COL26A1: variants seen among roughly 807,000 people sequenced by gnomAD.
The protein encoded by COL26A1 is collagen type XXVI alpha 1 chain, also known as collagen alpha-1(XXVI) chain.
COL26A1 carries 41 observed loss-of-function variants against 59.3 expected under a neutral mutation model. That is an observed-to-expected ratio of 0.69 (90% CI 0.54 to 0.90). COL26A1 has a LOEUF of 0.90. Among genes scored for constraint, COL26A1 ranks in the 40% least tolerant of loss-of-function variants. The pLI is 0.00. For synonymous variants in COL26A1, 266 were observed against 256.0 expected (o/e 1.04, Z -0.37); for missense variants, 612 against 602.3 (o/e 1.02, Z -0.17).
At chr7:101,415,712 C>G (rs1003936396) in intron 1 of COL26A1, among the ~76,000 whole-genome samples, 1 of 152,104 alleles carries the variant, frequency 6.6e-6, no homozygotes, top group Non-Finnish European at 1.5e-5. Flanking sequence ...CTCTCTCCAG[C>G]CTTGATCCCT....
intron 3 of COL26A1, among the ~76,000 whole-genome samples, chr7:101,469,751 A>T (rs1441559087): frequency 2.6e-5 from 4 of 152,014 alleles, no homozygotes; most frequent in Non-Finnish European, 5.9e-5. Flanking sequence ...CAGCCTCCCA[A>T]AGTGATGGGA....
chr7:101,466,493 G>A (rs891951027), intron 3 of COL26A1, among the ~76,000 whole-genome samples: 13 of 152,068 alleles, frequency 8.5e-5, no homozygotes, highest in Non-Finnish European at 1.3e-4. Flanking sequence ...CTTGAGGCCA[G>A]GAGTTAGAGA....
At chr7:101,363,625 C>CTT (rs1790963666) in intron 1 of COL26A1, among the ~76,000 whole-genome samples, 1 of 121,604 alleles carries the variant, frequency 8.2e-6, no homozygotes, top group Non-Finnish European at 1.6e-5. Context: ...TGCGGGGCTG[C>CTT]GGGGTTGCGG....
rs189970717 is a variant in COL26A1, at chr7:101,409,896, G to A, written c.159-10081G>A. ...CTGTTTCAGCCTCCCGAGTAGCTGG[G>A]ACTACAGGTGCCCACCACCACGCCC... On this transcript the variant is annotated intron_variant, in intron 1 of 12. Transcript: ENST00000313669. Among the ~76,000 whole-genome samples the A allele has an allele frequency of 3.5e-3, 537 of 152,210 alleles. 1 individual carries two copies. Among genetic ancestry groups the A allele is most frequent in the Non-Finnish European group, 6.5e-3 (440 of 68,012 alleles).
chr7:101,425,439 G>C (rs552266252), intron 2 of COL26A1, among the ~76,000 whole-genome samples: 1 of 152,144 alleles, frequency 6.6e-6, no homozygotes, highest in Non-Finnish European at 1.5e-5. Context: ...AGGAGATGAA[G>C]CAGCATTACT....
chr7:101,448,559 C>A (rs1304629752), intron 3 of COL26A1, among the ~76,000 whole-genome samples: 2 of 151,958 alleles, frequency 1.3e-5, no homozygotes, highest in Admixed American at 6.6e-5. Context: ...GTGACATGAT[C>A]ATGGCTCACT....
rs541379263 is a variant in COL26A1, at chr7:101,556,656, T to C, written c.1166-714T>C. ...GTGGGTGAATGAGTGAATGGATGGA[T>C]GGATGGATGATGGATGAGTGAACAG... On this transcript the variant is annotated intron_variant, in intron 12 of 12. Coordinates refer to ENST00000313669, the MANE Select transcript of COL26A1 (RefSeq NM_001278563.3). 9.3e-5 allele frequency among the ~76,000 whole-genome samples: 14 copies of C among 150,412 alleles called. No individual in the cohort carries two copies. The East Asian group carries it at 2.4e-3, about 26-fold the overall frequency.
intron 11 of COL26A1, among the ~76,000 whole-genome samples, chr7:101,554,786 A>G (rs371575378): frequency 2.7e-4 from 41 of 151,678 alleles, no homozygotes; most frequent in African/African-American, 9.2e-4. Flanking sequence ...AAAAAAACCA[A>G]CCACCTGTGG....
intron 3 of COL26A1, among the ~76,000 whole-genome samples, chr7:101,490,450 C>G (rs1010598916): frequency 6.6e-6 from 1 of 151,988 alleles, no homozygotes; most frequent in Non-Finnish European, 1.5e-5. Flanking sequence ...ACCTGTAATC[C>G]CAGCACTTTG....
intron 3 of COL26A1, among the ~76,000 whole-genome samples, chr7:101,515,976 C>T (rs1489915117): frequency 1.3e-5 from 2 of 152,192 alleles, no homozygotes; most frequent in African/African-American, 2.4e-5. Flanking sequence ...ATCTGGAAGG[C>T]GAGGGGGATG....
At chr7:101,548,384 A>G (rs1042604918) in intron 8 of COL26A1, among the ~76,000 whole-genome samples, 1 of 152,160 alleles carries the variant, frequency 6.6e-6, no homozygotes, top group Non-Finnish European at 1.5e-5. Flanking sequence ...TGAGCTGGGC[A>G]CACACATGAG....
intron 3 of COL26A1, among the ~76,000 whole-genome samples, chr7:101,516,836 G>A (rs1305507477): frequency 6.6e-6 from 1 of 152,176 alleles, no homozygotes; most frequent in Non-Finnish European, 1.5e-5. Flanking sequence ...CATGTTGTTC[G>A]AAGGCATTTT....
At chr7:101,413,055 A>G (rs1792279253) in intron 1 of COL26A1, among the ~76,000 whole-genome samples, 1 of 152,094 alleles carries the variant, frequency 6.6e-6, no homozygotes, top group Admixed American at 6.6e-5. Context: ...ATCACTTAGC[A>G]CTTGTTTTCT....
Position 101,544,075 on chromosome 7 carries a change from A to C in COL26A1, c.682A>C (p.Lys228Gln). The C allele has an allele frequency of 1.2e-6, 2 of 1,605,510 alleles. No individual in the cohort carries two copies. Among genetic ancestry groups the C allele is most frequent in the South Asian group, 2.2e-5 (2 of 89,066 alleles). The change falls in exon 6 of 13, where the codon AAG (lysine) becomes CAG (glutamine). Residue 228 changes from lysine (K) to glutamine (Q), a missense_variant. Coordinates refer to ENST00000313669, the MANE Select transcript of COL26A1 (RefSeq NM_001278563.3). ...AGGTGACCGAGGCCAGACAGGAGAG[A>C]AGGGTCCAGCGGGGCCGCCTGGTAA... ...SKGDRGQTGE[K>Q]GPAGPPGLLG...
At chr7:101,532,963 G>A (rs1261875471) in intron 3 of COL26A1, 119 bp from the exon 4 acceptor site, 10 of 748,530 alleles carry the variant, frequency 1.3e-5, no homozygotes, top group Non-Finnish European at 2.3e-5. Flanking sequence ...GAGTTTTCCA[G>A]GCAAAATGAC....
At chr7:101,457,864 A>G (rs1420129405) in intron 3 of COL26A1, among the ~76,000 whole-genome samples, 1 of 148,132 alleles carries the variant, frequency 6.8e-6, no homozygotes, top group African/African-American at 2.5e-5. Flanking sequence ...ATGAATAACC[A>G]TCATTTTGCT....
At chr7:101,452,533 T>C (rs775532597) in intron 3 of COL26A1, among the ~76,000 whole-genome samples, 24 of 152,128 alleles carry the variant, frequency 1.6e-4, no homozygotes, top group Non-Finnish European at 3.2e-4. Context: ...AAATGCATCA[T>C]TGGAAGATTT....
At chr7:101,554,902 C>T (rs1459626154) in intron 11 of COL26A1, among the ~76,000 whole-genome samples, 1 of 152,092 alleles carries the variant, frequency 6.6e-6, no homozygotes, top group African/African-American at 2.4e-5. Flanking sequence ...ATTGGCTCAA[C>T]TTCCCATTGT....
At chr7:101,506,363 T>C (rs1377602724) in intron 3 of COL26A1, among the ~76,000 whole-genome samples, 1 of 152,242 alleles carries the variant, frequency 6.6e-6, no homozygotes, top group Non-Finnish European at 1.5e-5. Context: ...AGTCACTTTG[T>C]AACATGCTTT....
Sources: allele counts gnomAD v4.1 joint callset (sites outside exome capture counted in the v4.1 genomes callset), GRCh38; gene constraint gnomAD v4.1.1; transcripts MANE v1.5; gene names NCBI Gene and HGNC (gene_info 2026-07-23, HGNC 2026-07-21).